Variants in HMGB1 observed in about 807,000 individuals in gnomAD.
HMGB1 encodes the protein high mobility group box 1, also known as high mobility group protein B1.
For missense variants in HMGB1, 79 were observed against 253.5 expected, an observed-to-expected ratio of 0.31 and a Z score of 4.67; for synonymous variants, 81 against 84.0, an observed-to-expected ratio of 0.96 and a Z score of 0.19.
At position 30,600,745 on chromosome 13, in the gene HMGB1, A is replaced by G. The variant is rs555232634; in HGVS notation, c.-15+15926T>C. Among the ~76,000 whole-genome samples the G allele has an allele frequency of 5.3e-5, 8 of 152,286 alleles. 1 individual carries two copies. The South Asian group carries it at 1.7e-3, about 32-fold the overall frequency. On this transcript the variant is annotated intron_variant, in intron 1 of 4. Transcript: ENST00000405805. ...ACTCAACTGGCTAAATATAATGCAAATATTTCAAAATCTGAAAAAACCCAA... is the reference window on the plus strand; with the variant it reads ...ACTCAACTGGCTAAATATAATGCAAGTATTTCAAAATCTGAAAAAACCCAA...
chr13:30,523,217 A>G (rs1888279321), intron 1 of HMGB1, among the ~76,000 whole-genome samples: 1 of 152,238 alleles, frequency 6.6e-6, no homozygotes, highest in Non-Finnish European at 1.5e-5. Flanking sequence ...TTATGAACTG[A>G]GAGAACTGAA....
intron 1 of HMGB1, among the ~76,000 whole-genome samples, chr13:30,513,872 C>T (rs74046056): frequency 0.1 from 15,147 of 152,160 alleles, 1,125 homozygotes; most frequent in African/African-American, 0.19. Context: ...ACATTCAAAC[C>T]ATAGCAATAC....
At chr13:30,491,987 T>A (rs2137442244) in intron 1 of HMGB1, among the ~76,000 whole-genome samples, 1 of 150,764 alleles carries the variant, frequency 6.6e-6, no homozygotes, top group Non-Finnish European at 1.5e-5. Context: ...GCTAACAAGG[T>A]GAAACCCCAT....
chr13:30,565,831 T>C (rs1460212459), intron 1 of HMGB1, among the ~76,000 whole-genome samples: 2 of 152,192 alleles, frequency 1.3e-5, no homozygotes, highest in African/African-American at 4.8e-5. Flanking sequence ...AAGAGTGAGT[T>C]AAGTGTCTAC....
intron 1 of HMGB1, among the ~76,000 whole-genome samples, chr13:30,588,849 G>A (rs544836411): frequency 3.3e-5 from 5 of 151,852 alleles, no homozygotes; most frequent in African/African-American, 4.8e-5. Context: ...TCTGGGAGGC[G>A]GAGGTTGCAG....
chr13:30,486,813 C>A (rs772940623), intron 1 of HMGB1, among the ~76,000 whole-genome samples: 1 of 151,980 alleles, frequency 6.6e-6, no homozygotes, highest in Non-Finnish European at 1.5e-5. Context: ...TTGTTGCTCT[C>A]GGTTGGGGTG....
chr13:30,566,688 C>T (rs1483308389), intron 1 of HMGB1, among the ~76,000 whole-genome samples: 1 of 152,210 alleles, frequency 6.6e-6, no homozygotes, highest in Non-Finnish European at 1.5e-5. Flanking sequence ...ATTTAATTCT[C>T]ATCTCTTCTT....
chr13:30,609,851 C>T (rs1437868740), intron 1 of HMGB1, among the ~76,000 whole-genome samples: 1 of 152,104 alleles, frequency 6.6e-6, no homozygotes, highest in East Asian at 1.9e-4. Context: ...TTTTGGTTTC[C>T]CATTCCTGAG....
At chr13:30,480,649 C>T (rs1887204839) in intron 1 of HMGB1, among the ~76,000 whole-genome samples, 1 of 152,128 alleles carries the variant, frequency 6.6e-6, no homozygotes. Context: ...AGAGCCAGGC[C>T]TCAGTGAGGA....
chr13:30,571,045 G>A (rs1025560461), intron 1 of HMGB1, among the ~76,000 whole-genome samples: 9 of 152,214 alleles, frequency 5.9e-5, no homozygotes, highest in African/African-American at 2.2e-4. Flanking sequence ...GAATAAATGT[G>A]TGCATTCATT....
upstream of HMGB1, among the ~76,000 whole-genome samples, chr13:30,469,458 T>C (rs753739688): frequency 5.8e-5 from 7 of 121,524 alleles, no homozygotes; most frequent in Non-Finnish European, 9.7e-5. Flanking sequence ...AAGAACTCTG[T>C]ATTTTTTGTT....
chr13:30,554,207 T>C, intron 1 of HMGB1: 1 of 1,440,054 alleles, frequency 6.9e-7, no homozygotes, highest in South Asian at 1.1e-5. Flanking sequence ...TTATACGACC[T>C]GGCCAGATTT....
At chr13:30,543,645 T>C (rs1035515830) in intron 1 of HMGB1, among the ~76,000 whole-genome samples, 1 of 152,138 alleles carries the variant, frequency 6.6e-6, no homozygotes, top group African/African-American at 2.4e-5. Flanking sequence ...GCACCTGAAC[T>C]AGCTTTGTTT....
At chr13:30,498,889 C>T (rs923369073) in intron 1 of HMGB1, among the ~76,000 whole-genome samples, 1 of 151,248 alleles carries the variant, frequency 6.6e-6, no homozygotes, top group African/African-American at 2.4e-5. Context: ...CTCAAGTGAT[C>T]CACCTGTCTC....
intron 1 of HMGB1, chr13:30,553,782 A>C (rs1869545639): frequency 7.1e-7 from 1 of 1,400,370 alleles, no homozygotes; most frequent in African/African-American, 1.4e-5. Flanking sequence ...TAGAGTGGCC[A>C]AGTTTCCAGA....
intron 1 of HMGB1, among the ~76,000 whole-genome samples, chr13:30,549,906 G>A (rs896752766): frequency 4.0e-5 from 6 of 151,876 alleles, no homozygotes; most frequent in African/African-American, 7.2e-5. Context: ...TAGTAGAGAC[G>A]GGGTTTTGCC....
At chr13:30,509,574 G>C (rs533575327) in intron 1 of HMGB1, among the ~76,000 whole-genome samples, 25 of 152,190 alleles carry the variant, frequency 1.6e-4, no homozygotes, top group African/African-American at 5.3e-4. Flanking sequence ...CCAAAGCCCA[G>C]ATGTCAAGAC....
intron 1 of HMGB1, among the ~76,000 whole-genome samples, chr13:30,548,753 C>G (rs781017616): frequency 2.0e-5 from 3 of 152,150 alleles, no homozygotes; most frequent in Non-Finnish European, 4.4e-5. Flanking sequence ...TGTCAGAACA[C>G]CTCTCCATGG....
chr13:30,565,846 CT>C (rs1281215375), intron 1 of HMGB1, among the ~76,000 whole-genome samples: 1 of 152,242 alleles, frequency 6.6e-6, no homozygotes, highest in Non-Finnish European at 1.5e-5. Context: ...GTCTACCTCA[CT>C]TCCCTACTAT....
Sources: allele counts gnomAD v4.1 joint callset (sites outside exome capture counted in the v4.1 genomes callset), GRCh38; gene constraint gnomAD v4.1.1; transcripts MANE v1.5; gene names NCBI Gene and HGNC (gene_info 2026-07-23, HGNC 2026-07-21).